The following B4GALT5 variants were observed in gnomAD, a reference collection of about 807,000 sequenced individuals.
B4GALT5 encodes UDP-Gal:beta-GlcNAc beta-1,4-galactosyltransferase 5.
Under a neutral mutation model 45.0 loss-of-function variants are expected in B4GALT5, and 11 were observed. The ratio of observed to expected loss-of-function variants is 0.24; its 90% CI spans 0.15 to 0.40. The LOEUF (loss-of-function observed/expected upper bound fraction) is 0.40. B4GALT5 is among the 10% of genes least tolerant of loss of function. The pLI is 1.00. For missense variants in B4GALT5, 337 were observed against 500.2 expected, an observed-to-expected ratio of 0.67 and a Z score of 3.11; for synonymous variants, 185 against 182.9, an observed-to-expected ratio of 1.01 and a Z score of -0.09.
chr20:49,693,995 T>G (rs1233432577), intron 1 of B4GALT5, among the ~76,000 whole-genome samples: 3 of 152,152 alleles, frequency 2.0e-5, no homozygotes, highest in Non-Finnish European at 4.4e-5. Context: ...ACACCTCACT[T>G]TCGATAATTA....
intron 1 of B4GALT5, among the ~76,000 whole-genome samples, chr20:49,701,136 C>T (rs1477334041): frequency 6.6e-6 from 1 of 152,196 alleles, no homozygotes; most frequent in Non-Finnish European, 1.5e-5. Context: ...AAGTCTAGCA[C>T]ACTGTAGGGG....
Position 49,640,526 on chromosome 20 carries a change from C to T in B4GALT5, c.746G>A (p.Gly249Glu). 1.2e-6 allele frequency: 2 copies of T among 1,613,460 alleles called. No homozygotes were observed. Among genetic ancestry groups the T allele is most frequent in the South Asian group, 1.1e-5 (1 of 90,910 alleles). The change falls in exon 6 of 9, where the codon GGA becomes GAA. Residue 249 changes from glycine (G) to glutamate (E), a missense_variant. Physicochemically the swap from Gly to Glu is moderately conservative, Grantham distance 98 (BLOSUM62 -2). Coordinates refer to ENST00000371711, the MANE Select transcript of B4GALT5 (RefSeq NM_004776.4). The stretch of plus-strand genomic sequence containing the variant: ...GGTTGCAAAATGCCTCGGCATCTGT[C>T]CACATCCATAATAGTTGCGATCACT... ...PESDRNYYGC[G>E]QMPRHFATKL...
chr20:49,661,227 A>G (rs1019033641), intron 1 of B4GALT5, among the ~76,000 whole-genome samples: 1 of 151,982 alleles, frequency 6.6e-6, no homozygotes, highest in African/African-American at 2.4e-5. Context: ...GATGAGCTTT[A>G]CTTTGTTTTT....
rs1445586358 is a variant in B4GALT5 at position 49,635,623 on chromosome 20, C to A, written c.*689G>T. ...TGCCAACCAAGTAAGTGGCCTAATA[C>A]ATAAATCCTCAATTTGAATTGGAGC... On this transcript the variant is annotated 3_prime_UTR_variant, in exon 9 of 9. Transcript: ENST00000371711. 6.6e-6 allele frequency: 1 copy of A among 152,534 alleles called. No homozygotes were observed. Among genetic ancestry groups the A allele is most frequent in the African/African-American group, 2.4e-5 (1 of 41,420 alleles). The allele number at this position is 152,534 out of a possible 1,614,324, so 9.4% of individuals were successfully genotyped here.
rs2085932290 is a variant in B4GALT5 at position 49,713,729 on chromosome 20, T to A, written c.-39A>T. 1.1e-6 allele frequency: 1 copy of A among 872,850 alleles called. No individual in the cohort carries two copies. Among genetic ancestry groups the A allele is most frequent in the East Asian group, 4.1e-5 (1 of 24,352 alleles). 54.1% of individuals were successfully genotyped at this position (872,850 alleles called of 1,614,324 possible). On this transcript the variant is annotated 5_prime_UTR_variant, in exon 1 of 9. Coordinates refer to ENST00000371711, the MANE Select transcript of B4GALT5 (RefSeq NM_004776.4). Reference sequence around the variant, plus strand: ...GGCCGCTAGAGAGCCAGGCCGGGCCTGCTCCCGCAGCTCCCCGTCCGCCGC... The same window carrying A: ...GGCCGCTAGAGAGCCAGGCCGGGCCAGCTCCCGCAGCTCCCCGTCCGCCGC...
chr20:49,635,250 CATGCT>C lies in B4GALT5; in HGVS notation c.*1057_*1061del, dbSNP rs1345079725. On this transcript the variant is annotated 3_prime_UTR_variant, in exon 9 of 9. Coordinates refer to ENST00000371711, the MANE Select transcript of B4GALT5 (RefSeq NM_004776.4). The stretch of plus-strand genomic sequence containing the variant: ...CCCCGCCCCCCGCCCCCCGCCCCGC[CATGCT>C]GATGAAAAGACAGAACACGAAGCCT... 3 of 139,036 alleles carry C rather than the reference CATGCT, an allele frequency of 2.2e-5. No individual in the cohort carries two copies. Among genetic ancestry groups the C allele is most frequent in the African/African-American group, 7.9e-5 (3 of 38,198 alleles). The allele number at this position is 139,036 out of a possible 1,614,324, so 8.6% of individuals were successfully genotyped here.
At position 49,713,704 on chromosome 20, in the gene B4GALT5, G is replaced by A. The variant is rs1187472646; in HGVS notation, c.-14C>T. 5 of 1,317,460 alleles carry A rather than the reference G, an allele frequency of 3.8e-6. No individual in the cohort carries two copies. Among genetic ancestry groups the A allele is most frequent in the African/African-American group, 1.6e-5 (1 of 63,602 alleles). 81.6% of individuals were successfully genotyped at this position (1,317,460 alleles called of 1,614,324 possible). On this transcript the variant is annotated 5_prime_UTR_variant, in exon 1 of 9. Coordinates refer to ENST00000371711, the MANE Select transcript of B4GALT5 (RefSeq NM_004776.4). ...GCGGGCGCGCATGCTGCAGCCAGGCGGCCGCTAGAGAGCCAGGCCGGGCCT... is the reference window on the plus strand; with the variant it reads ...GCGGGCGCGCATGCTGCAGCCAGGCAGCCGCTAGAGAGCCAGGCCGGGCCT...
intron 2 of B4GALT5, among the ~76,000 whole-genome samples, chr20:49,647,544 G>A (rs563289755): frequency 5.0e-4 from 76 of 152,112 alleles, no homozygotes; most frequent in Middle Eastern, 3.4e-3. Flanking sequence ...CCTGCCACAC[G>A]ATCCCCTTCC....
chr20:49,665,440 GTAATAATAATAATAA>G (rs71339446), intron 1 of B4GALT5, among the ~76,000 whole-genome samples: 1,150 of 95,016 alleles, frequency 0.012, 29 homozygotes, highest in African/African-American at 0.039. Flanking sequence ...GGGGGTAGTA[GTAATAATAATAATAA>G]TAATAATAAT....
intron 1 of B4GALT5, among the ~76,000 whole-genome samples, chr20:49,665,020 G>A (rs903493692): frequency 1.3e-5 from 2 of 152,172 alleles, no homozygotes; most frequent in Non-Finnish European, 1.5e-5. Flanking sequence ...CAACTGCCAG[G>A]TTAAGTGGCT....
chr20:49,699,043 T>A (rs1362036367), intron 1 of B4GALT5, among the ~76,000 whole-genome samples: 1 of 152,120 alleles, frequency 6.6e-6, no homozygotes, highest in East Asian at 1.9e-4. Flanking sequence ...AAGGTATAGC[T>A]TTTACTATAA....
chr20:49,661,260 G>C (rs956783778), intron 1 of B4GALT5, among the ~76,000 whole-genome samples: 1 of 152,110 alleles, frequency 6.6e-6, no homozygotes, highest in Non-Finnish European at 1.5e-5. Context: ...TTTGGAGATA[G>C]AGTCTCCCTC....
intron 2 of B4GALT5, among the ~76,000 whole-genome samples, chr20:49,653,122 A>C (rs1377603355): frequency 6.6e-6 from 1 of 152,184 alleles, no homozygotes; most frequent in Non-Finnish European, 1.5e-5. Flanking sequence ...AGTGTTTCAG[A>C]TTTCTGATTT....
At chr20:49,664,573 G>A (rs991175748) in intron 1 of B4GALT5, among the ~76,000 whole-genome samples, 2 of 151,514 alleles carry the variant, frequency 1.3e-5, no homozygotes, top group Non-Finnish European at 2.9e-5. Context: ...ATAACTAAAC[G>A]CAATACATGA....
Position 49,713,618 on chromosome 20 carries a change from A to G in B4GALT5, c.73T>C (p.Ser25Pro). 1 of 1,589,084 alleles carries G rather than the reference A, an allele frequency of 6.3e-7. No individual in the cohort carries two copies. The highest frequency in any genetic ancestry group is 8.6e-7 in the Non-Finnish European group (1 of 1,169,474). The change falls in exon 1 of 9, where the codon TCG becomes CCG. Residue 25 changes from serine to proline, a missense_variant. Ser to Pro is a moderately conservative substitution (Grantham distance 74, BLOSUM62 -1). Around this residue, in one of 2 missense-constraint regions of B4GALT5, gnomAD observed 174 missense variants for 207.4 expected, o/e 0.84. Transcript: ENST00000371711. The part of the protein sequence containing the change: ...LLAALFFFSL[S>P]SSLLYFVYVA... ...TAGACGAAGTACAGCAGCGAGGACG[A>G]GAGAGAAAAGAAGAAGAGCGCGGCG... is the stretch of plus-strand genomic sequence containing the variant.
intron 7 of B4GALT5, among the ~76,000 whole-genome samples, chr20:49,638,702 A>G (rs1214131454): frequency 6.6e-6 from 1 of 152,078 alleles, no homozygotes. Flanking sequence ...CCCTATTTGC[A>G]TCCATTAAAG....
rs575015454 is a variant in B4GALT5, at chr20:49,667,335, C to T, written c.116-10633G>A. On this transcript the variant is annotated intron_variant, in intron 1 of 8. Coordinates refer to ENST00000371711, the MANE Select transcript of B4GALT5 (RefSeq NM_004776.4). ...CGCGATCTCAGCTCACTGCAGGCTG[C>T]GCCCCCCAGGGGTTCACGCCATTCT... is the stretch of plus-strand genomic sequence containing the variant. 7.4e-5 allele frequency among the ~76,000 whole-genome samples: 11 copies of T among 148,960 alleles called. No individual in the cohort carries two copies. The East Asian group carries it at 1.6e-3, about 22-fold the overall frequency.
chr20:49,703,987 T>A (rs2085873788), intron 1 of B4GALT5, among the ~76,000 whole-genome samples: 1 of 152,248 alleles, frequency 6.6e-6, no homozygotes. Context: ...TTCCTTAGGT[T>A]GGCAATTCTG....
intron 1 of B4GALT5, among the ~76,000 whole-genome samples, chr20:49,686,780 C>G (rs775143267): frequency 1.3e-5 from 2 of 149,026 alleles, no homozygotes; most frequent in African/African-American, 2.5e-5. Context: ...ACACCTACAG[C>G]CCCAGAGACC....
Sources: allele counts gnomAD v4.1 joint callset (sites outside exome capture counted in the v4.1 genomes callset), GRCh38; gene constraint gnomAD v4.1.1; regional missense constraint gnomAD v4.1.1; transcripts MANE v1.5; gene names NCBI Gene and HGNC (gene_info 2026-07-23, HGNC 2026-07-21).